Variants in PSD3 observed in about 807,000 individuals in gnomAD.
PSD3 encodes pleckstrin and Sec7 domain containing 3, also known as PH and SEC7 domain-containing protein 3.
In PSD3, 49 loss-of-function variants were observed where a neutral mutation model predicts 105.5. That is an observed-to-expected ratio of 0.46 (90% CI 0.37 to 0.59). The LOEUF (loss-of-function observed/expected upper bound fraction) is 0.59, where lower values mean the gene tolerates loss of function less well. Ranked by LOEUF, PSD3 falls within the 20% of genes least tolerant of loss-of-function variation. PSD3 has a pLI of 0.00. For synonymous variants in PSD3, 557 were observed against 457.8 expected, an observed-to-expected ratio of 1.22 and a Z score of -2.77; for missense variants, 1,561 against 1,263.8, an observed-to-expected ratio of 1.24 and a Z score of -3.57.
At chr8:19,059,775 C>T (rs1243392591) in intron 1 of PSD3, among the ~76,000 whole-genome samples, 1 of 152,214 alleles carries the variant, frequency 6.6e-6, no homozygotes, top group Non-Finnish European at 1.5e-5. Context: ...ACAGAAAGTT[C>T]ATGGCCTTTC....
At chr8:18,930,743 T>C (rs1454084624) in intron 2 of PSD3, among the ~76,000 whole-genome samples, 2 of 152,046 alleles carry the variant, frequency 1.3e-5, no homozygotes, top group Non-Finnish European at 2.9e-5. Context: ...CTATTTTTTT[T>C]ATTTTTAGTA....
intron 2 of PSD3, among the ~76,000 whole-genome samples, chr8:18,885,361 C>G (rs1467198228): frequency 3.9e-5 from 6 of 152,114 alleles, no homozygotes; most frequent in Admixed American, 3.9e-4. Flanking sequence ...TCACAGCAAG[C>G]TTTCTTCTGC....
chr8:18,744,931 C>T (rs992532543), intron 9 of PSD3, among the ~76,000 whole-genome samples: 1 of 152,136 alleles, frequency 6.6e-6, no homozygotes, highest in African/African-American at 2.4e-5. Flanking sequence ...AGAAGATGGG[C>T]CAGTTATTAT....
intron 4 of PSD3, among the ~76,000 whole-genome samples, chr8:18,850,172 C>T (rs1467630007): frequency 2.6e-5 from 4 of 152,182 alleles, no homozygotes; most frequent in African/African-American, 7.2e-5. Context: ...GCATTGAAAA[C>T]CAGAACCACA....
intron 9 of PSD3, among the ~76,000 whole-genome samples, chr8:18,746,294 A>G (rs1007500461): frequency 2.6e-5 from 4 of 152,130 alleles, no homozygotes; most frequent in Admixed American, 1.3e-4. Flanking sequence ...AGGGCCCCAG[A>G]CCCAGCCACA....
intron 9 of PSD3, among the ~76,000 whole-genome samples, chr8:18,751,319 A>G (rs1422736021): frequency 2.6e-5 from 4 of 152,162 alleles, no homozygotes; most frequent in Non-Finnish European, 5.9e-5. Context: ...TCCTTACAAG[A>G]TCACCCTGTG....
intron 9 of PSD3, among the ~76,000 whole-genome samples, chr8:18,682,393 G>T (rs1383304921): frequency 6.6e-6 from 1 of 152,166 alleles, no homozygotes; most frequent in Non-Finnish European, 1.5e-5. Flanking sequence ...ATTTATTTAA[G>T]AATATGATAA....
intron 10 of PSD3, among the ~76,000 whole-genome samples, chr8:18,645,897 G>A (rs888982110): frequency 6.6e-6 from 1 of 152,080 alleles, no homozygotes. Flanking sequence ...TCCATGGTGA[G>A]TTGTCTCTAC....
intron 15 of PSD3, among the ~76,000 whole-genome samples, chr8:18,536,235 C>A (rs549834576): frequency 7.2e-5 from 11 of 152,310 alleles, no homozygotes; most frequent in African/African-American, 2.4e-4. Context: ...CCAGATGGAA[C>A]ACCATGAATC....
chr8:19,050,985 C>A (rs141605159), intron 1 of PSD3, among the ~76,000 whole-genome samples: 65 of 152,270 alleles, frequency 4.3e-4, no homozygotes, highest in African/African-American at 1.5e-3. Flanking sequence ...TGCTTAAGAT[C>A]TGTAGGCTCA....
intron 11 of PSD3, among the ~76,000 whole-genome samples, chr8:18,624,293 G>C (rs1323799447): frequency 6.6e-6 from 1 of 151,898 alleles, no homozygotes; most frequent in Non-Finnish European, 1.5e-5. Flanking sequence ...TTTTGTCAAG[G>C]TAACATGTGA....
intron 2 of PSD3, among the ~76,000 whole-genome samples, chr8:18,881,020 CT>C (rs1288617081): frequency 1.3e-5 from 2 of 152,106 alleles, no homozygotes; most frequent in Non-Finnish European, 2.9e-5. Flanking sequence ...AATACAGGTA[CT>C]TTTTGGAGGT....
chr8:18,939,216 G>A (rs1353042745), intron 1 of PSD3, among the ~76,000 whole-genome samples: 1 of 152,144 alleles, frequency 6.6e-6, no homozygotes, highest in Non-Finnish European at 1.5e-5. Flanking sequence ...CAGGTCCGTG[G>A]GGAAGCAATT....
chr8:18,770,672 G>C (rs1237898477), intron 8 of PSD3, among the ~76,000 whole-genome samples: 1 of 152,230 alleles, frequency 6.6e-6, no homozygotes, highest in African/African-American at 2.4e-5. Context: ...CTGGGGAGGG[G>C]TGCCAGTGAC....
intron 1 of PSD3, among the ~76,000 whole-genome samples, chr8:19,048,893 C>T (rs1828419196): frequency 6.6e-6 from 1 of 152,132 alleles, no homozygotes; most frequent in African/African-American, 2.4e-5. Flanking sequence ...GACTAGAAGG[C>T]CAAGATCAAG....
chr8:18,702,288 T>G (rs1006506948), intron 9 of PSD3, among the ~76,000 whole-genome samples: 2 of 152,216 alleles, frequency 1.3e-5, no homozygotes, highest in Admixed American at 1.3e-4. Context: ...ATTTTGGTGA[T>G]GGAGGAAATT....
intron 14 of PSD3, among the ~76,000 whole-genome samples, chr8:18,567,871 T>A (rs1801891546): frequency 6.6e-6 from 1 of 152,178 alleles, no homozygotes; most frequent in African/African-American, 2.4e-5. Context: ...TGATCCCCAA[T>A]GTTGGAGGTG....
intron 15 of PSD3, among the ~76,000 whole-genome samples, chr8:18,545,281 T>C (rs918341744): frequency 3.3e-5 from 5 of 152,168 alleles, no homozygotes; most frequent in African/African-American, 1.2e-4. Flanking sequence ...AGAAATAAAT[T>C]GTCCGGTTCC....
At position 18,786,249 on chromosome 8, in the gene PSD3, A is replaced by T. The variant is rs983240426; in HGVS notation, c.2082+13046T>A. Among the ~76,000 whole-genome samples the T allele has an allele frequency of 7.2e-5, 11 of 152,100 alleles. 1 individual carries two copies. The highest frequency in any genetic ancestry group is 1.2e-4 in the Non-Finnish European group (8 of 68,016). On this transcript the variant is annotated intron_variant, in intron 8 of 15. Coordinates refer to ENST00000327040, the MANE Select transcript of PSD3 (RefSeq NM_015310.4). ...TAAACTTGAAGAAGAGATACTATTT[A>T]AAAAAAATTCTTTTGGGAGATTCAT... is the stretch of plus-strand genomic sequence containing the variant.
Sources: allele counts gnomAD v4.1 joint callset (sites outside exome capture counted in the v4.1 genomes callset), GRCh38; gene constraint gnomAD v4.1.1; transcripts MANE v1.5; gene names NCBI Gene and HGNC (gene_info 2026-07-23, HGNC 2026-07-21).